Variants in CLDN20 observed in about 807,000 individuals in gnomAD.
CLDN20 encodes claudin 20.
For synonymous variants in CLDN20, 104 were observed against 103.6 expected (o/e 1.00, Z -0.03); for missense variants, 258 against 267.9 (o/e 0.96, Z 0.26).
At chr6:155,264,376 A>T (rs927823655) in intron 1 of CLDN20, 88 bp downstream of exon 1, 9 of 152,196 alleles carry the variant, frequency 5.9e-5, no homozygotes, top group Non-Finnish European at 4.4e-5. Flanking sequence ...AATACTGACA[A>T]ATGTGAATGT....
chr6:155,269,878 A>G (rs1186905090), intron 1 of CLDN20, among the ~76,000 whole-genome samples: 1 of 152,228 alleles, frequency 6.6e-6, no homozygotes, highest in Non-Finnish European at 1.5e-5. Flanking sequence ...GAATTCATTC[A>G]TTGGGCAAAT....
intron 1 of CLDN20, among the ~76,000 whole-genome samples, chr6:155,270,855 A>G (rs1192711912): frequency 6.6e-6 from 1 of 152,206 alleles, no homozygotes; most frequent in Admixed American, 6.5e-5. Flanking sequence ...AGTGTCTGCA[A>G]TTCAACTCAA....
intron 1 of CLDN20, among the ~76,000 whole-genome samples, chr6:155,264,548 A>G (rs1784533288): frequency 1.3e-5 from 2 of 152,238 alleles, no homozygotes. Flanking sequence ...TACCTATCCT[A>G]AAGTTTACAA....
intron 1 of CLDN20, among the ~76,000 whole-genome samples, chr6:155,275,160 A>G (rs1785120876): frequency 6.6e-6 from 1 of 152,092 alleles, no homozygotes; most frequent in South Asian, 2.1e-4. Context: ...CAGGAGGTGG[A>G]GCTTGCAGTG....
In CLDN20 at chr6:155,276,002, A is replaced by T. The variant is rs756380740; in HGVS notation, c.283A>T (p.Ile95Phe). 8.1e-6 allele frequency: 13 copies of T among 1,614,110 alleles called. 1 individual carries two copies. In the South Asian group the frequency reaches 1.4e-4, roughly 18 times the overall value. ...VLACVLSALG[I>F]CTSTVGMKCT... ...GGCGTGTGTTCTGTCTGCTTTGGGG[A>T]TCTGCACTTCCACAGTAGGAATGAA... Residue 95 changes from isoleucine to phenylalanine, a missense_variant, in exon 2 of 2, where the codon ATC becomes TTC. Physicochemically the swap from Ile to Phe is conservative, Grantham distance 21 (BLOSUM62 0). Transcript: ENST00000367165.
chr6:155,272,127 A>G (rs1416206577), intron 1 of CLDN20, among the ~76,000 whole-genome samples: 2 of 152,222 alleles, frequency 1.3e-5, no homozygotes, highest in Non-Finnish European at 2.9e-5. Context: ...TTTCTTCACC[A>G]TAACTAACTG....
chr6:155,265,727 T>G (rs982462288), intron 1 of CLDN20, among the ~76,000 whole-genome samples: 1 of 145,684 alleles, frequency 6.9e-6, no homozygotes, highest in Non-Finnish European at 1.5e-5. Context: ...ATATATAATA[T>G]AAATATATAT....
intron 1 of CLDN20, among the ~76,000 whole-genome samples, chr6:155,269,324 C>CTTTTTTTTTTTTTTTTTTTTT (rs60162262): frequency 7.9e-6 from 1 of 127,270 alleles, no homozygotes; most frequent in Non-Finnish European, 1.6e-5. Flanking sequence ...CTTTTCTTTT[C>CTTTTTTTTTTTTTTTTTTTTT]TTTTTTTTTT....
chr6:155,269,459 C>A (rs1161326869), intron 1 of CLDN20, among the ~76,000 whole-genome samples: 2 of 151,582 alleles, frequency 1.3e-5, no homozygotes, highest in African/African-American at 4.9e-5. Flanking sequence ...GAAGCTGGGG[C>A]TAATGGCATG....
chr6:155,268,775 C>T (rs923398475), intron 1 of CLDN20, among the ~76,000 whole-genome samples: 4 of 150,462 alleles, frequency 2.7e-5, no homozygotes, highest in African/African-American at 7.4e-5. Flanking sequence ...GTCATCACCA[C>T]TCCCTAATCT....
In CLDN20 at chr6:155,276,207, C is replaced by G. The variant is rs1193974897; in HGVS notation, c.488C>G (p.Ala163Gly). 2 of 1,614,120 alleles carry G rather than the reference C, an allele frequency of 1.2e-6. No homozygotes were observed. The highest frequency in any genetic ancestry group is 1.7e-6 in the Non-Finnish European group (2 of 1,180,006). The change falls in exon 2 of 2, where the codon GCT (alanine) becomes GGT (glycine). Residue 163 changes from alanine to glycine, a missense_variant. By Grantham distance (60) the Ala-to-Gly change is moderately conservative (BLOSUM62 0). Coordinates refer to ENST00000367165, the MANE Select transcript of CLDN20 (RefSeq NM_001001346.3). ...AGCAACAAACATGAACCTGGAGGAG[C>G]TATCTATATCGGATTCATTTCTGCA... ...PESNKHEPGG[A>G]IYIGFISAML...
chr6:155,265,528 T>C (rs948171259), intron 1 of CLDN20, among the ~76,000 whole-genome samples: 6 of 151,596 alleles, frequency 4.0e-5, no homozygotes, highest in South Asian at 2.1e-4. Flanking sequence ...ATTTTAGGAT[T>C]AGGTCAAATC....
intron 1 of CLDN20, among the ~76,000 whole-genome samples, chr6:155,274,977 G>A (rs1237435835): frequency 3.9e-5 from 6 of 152,132 alleles, no homozygotes; most frequent in Non-Finnish European, 1.5e-5. Context: ...CCAGCACTTC[G>A]GGAGGCCGAG....
intron 1 of CLDN20, among the ~76,000 whole-genome samples, chr6:155,269,638 A>C (rs2114694822): frequency 6.6e-6 from 1 of 152,152 alleles, no homozygotes; most frequent in South Asian, 2.1e-4. Flanking sequence ...CTTGTCTATA[A>C]AATTCTTCTT....
chr6:155,274,290 A>T (rs1435947195), intron 1 of CLDN20, among the ~76,000 whole-genome samples: 1 of 152,262 alleles, frequency 6.6e-6, no homozygotes, highest in East Asian at 1.9e-4. Flanking sequence ...TTCTCAAATA[A>T]GGCAGTAAGC....
chr6:155,272,551 G>A (rs952359633), intron 1 of CLDN20, among the ~76,000 whole-genome samples: 2 of 151,832 alleles, frequency 1.3e-5, no homozygotes, highest in African/African-American at 4.8e-5. Flanking sequence ...GGAACAAAGT[G>A]TGCCTTTATT....
chr6:155,276,283 GAATCCAGA>G lies in CLDN20; in HGVS notation c.566_573del (p.Asn189SerfsTer2), dbSNP rs1275071998. ...TTTTCTGCACCTCCTGTATAAAAAG[GAATCCAGA>G]AGCTAGACTCGACCCACCCACACAG... On this transcript the variant is annotated frameshift_variant, in exon 2 of 2. Transcript: ENST00000367165. LOFTEE classifies it low-confidence loss of function (END_TRUNC). The G allele has an allele frequency of 1.2e-6, 2 of 1,613,988 alleles. No homozygotes were observed. The highest frequency in any genetic ancestry group is 3.3e-5 in the Admixed American group (2 of 60,010).
chr6:155,266,288 A>G (rs912718), intron 1 of CLDN20, among the ~76,000 whole-genome samples: 99,877 of 152,042 alleles, frequency 0.66, 33,565 homozygotes, highest in East Asian at 0.98. Context: ...AATTAAATAA[A>G]AGCCACTGGG....
At chr6:155,266,674 G>A (rs949856669) in intron 1 of CLDN20, among the ~76,000 whole-genome samples, 6 of 151,700 alleles carry the variant, frequency 4.0e-5, no homozygotes, top group African/African-American at 1.5e-4. Context: ...GTGAAACCCC[G>A]TCTCTACTAA....
Sources: allele counts gnomAD v4.1 joint callset (sites outside exome capture counted in the v4.1 genomes callset), GRCh38; gene constraint gnomAD v4.1.1; transcripts MANE v1.5; gene names NCBI Gene and HGNC (gene_info 2026-07-23, HGNC 2026-07-21).